Variants in SDK1 observed in about 807,000 individuals in gnomAD.
SDK1 encodes the protein protein sidekick-1.
A neutral mutation model predicts 245.5 loss-of-function variants in SDK1; 157 were observed. The observed-to-expected ratio is 0.64, with a 90% CI of 0.56 to 0.73. SDK1 has a LOEUF of 0.73. Ranked by LOEUF, SDK1 falls within the 30% of genes least tolerant of loss-of-function variation. The pLI is 0.00. For missense variants in SDK1, 3,583 were observed against 3,002.3 expected (o/e 1.19, Z -4.52); for synonymous variants, 1,647 against 1,278.5 (o/e 1.29, Z -6.15).
chr7:3,378,443 G>C (rs991315824), intron 1 of SDK1, among the ~76,000 whole-genome samples: 9 of 152,138 alleles, frequency 5.9e-5, no homozygotes, highest in African/African-American at 1.9e-4. Context: ...GTTTCTTCGA[G>C]CATATTCACT....
chr7:4,219,842 T>C (rs1010501680), intron 38 of SDK1, among the ~76,000 whole-genome samples: 4 of 130,788 alleles, frequency 3.1e-5, no homozygotes, highest in African/African-American at 1.1e-4. Flanking sequence ...TCCTCCTTCA[T>C]ATCATTCCTG....
intron 4 of SDK1, among the ~76,000 whole-genome samples, chr7:3,731,821 C>G (rs762642784): frequency 1.6e-4 from 24 of 152,272 alleles, no homozygotes; most frequent in Non-Finnish European, 2.5e-4. Context: ...GAGACAGAGT[C>G]TTGCTCTGTC....
intron 4 of SDK1, among the ~76,000 whole-genome samples, chr7:3,752,383 G>T (rs1283536823): frequency 1.3e-5 from 2 of 152,102 alleles, no homozygotes; most frequent in East Asian, 3.9e-4. Flanking sequence ...TATTCTGCAA[G>T]TGAGCTTAAT....
intron 1 of SDK1, among the ~76,000 whole-genome samples, chr7:3,508,425 T>G (rs1183018228): frequency 6.6e-6 from 1 of 151,616 alleles, no homozygotes; most frequent in African/African-American, 2.4e-5. Context: ...CCTCCTCGGT[T>G]CAAACAATTC....
At chr7:3,938,659 A>AAAAAAAAAAAAAAAAAAAAAAAAAG (rs1554284813) in intron 5 of SDK1, among the ~76,000 whole-genome samples, 61 of 151,048 alleles carry the variant, frequency 4.0e-4, no homozygotes, top group African/African-American at 1.5e-3. Context: ...AAAAAAAAAA[A>AAAAAAAAAAAAAAAAAAAAAAAAAG]AGAGATCCTC....
Position 3,529,967 on chromosome 7 carries a change from C to A in SDK1, c.299-89113C>A, listed in dbSNP as rs565591031. Among the ~76,000 whole-genome samples, 5 of 152,198 alleles carry A rather than the reference C, an allele frequency of 3.3e-5. No individual in the cohort carries two copies. In the South Asian group the frequency reaches 1.0e-3, roughly 32 times the overall value. ...AGAGAGGGACAGGCCTGAACTCTTA[C>A]TATTATGTGATAAGTACCTTTGTGG... On this transcript the variant is annotated intron_variant, in intron 1 of 44. Transcript: ENST00000404826.
At chr7:3,409,502 T>G (rs187026610) in intron 1 of SDK1, among the ~76,000 whole-genome samples, 44 of 152,296 alleles carry the variant, frequency 2.9e-4, no homozygotes, top group South Asian at 2.1e-4. Context: ...TCATCAAATT[T>G]TATACAAATT....
intron 4 of SDK1, among the ~76,000 whole-genome samples, chr7:3,794,240 A>C (rs1005229605): frequency 2.6e-5 from 4 of 152,182 alleles, no homozygotes; most frequent in Non-Finnish European, 4.4e-5. Context: ...GCATGGCCGA[A>C]TGTCCCTTCC....
At chr7:3,424,312 T>C (rs746611406) in intron 1 of SDK1, among the ~76,000 whole-genome samples, 2 of 152,216 alleles carry the variant, frequency 1.3e-5, no homozygotes, top group African/African-American at 4.8e-5. Flanking sequence ...AATAGCTTGA[T>C]GTAGATATTT....
At chr7:3,971,660 C>A in intron 12 of SDK1, 92 bp downstream of exon 12, 1 of 944,110 alleles carries the variant, frequency 1.1e-6, no homozygotes, top group Non-Finnish European at 1.7e-6. Flanking sequence ...ATTGGGGGAA[C>A]TTTTGATTTC....
chr7:3,523,323 A>C (rs547877977), intron 1 of SDK1, among the ~76,000 whole-genome samples: 1 of 152,156 alleles, frequency 6.6e-6, no homozygotes, highest in Admixed American at 6.5e-5. Context: ...CATCCTAGAG[A>C]TACAGTCTGT....
chr7:3,547,802 C>G (rs184104092), intron 1 of SDK1, among the ~76,000 whole-genome samples: 1 of 152,198 alleles, frequency 6.6e-6, no homozygotes, highest in South Asian at 2.1e-4. Context: ...TCATTACACT[C>G]TTAACAGGCA....
intron 4 of SDK1, among the ~76,000 whole-genome samples, chr7:3,817,405 G>T (rs1285471419): frequency 6.6e-6 from 1 of 152,206 alleles, no homozygotes; most frequent in Non-Finnish European, 1.5e-5. Context: ...CAGGGAGTGG[G>T]ATTTCCAATA....
chr7:4,135,291 A>C (rs774500931), intron 28 of SDK1, among the ~76,000 whole-genome samples: 5 of 152,176 alleles, frequency 3.3e-5, no homozygotes, highest in African/African-American at 4.8e-5. Context: ...CAAGACCCCT[A>C]CACCCTTGCC....
At chr7:4,200,407 AC>A (rs1342262294) in intron 35 of SDK1, among the ~76,000 whole-genome samples, 2 of 152,242 alleles carry the variant, frequency 1.3e-5, no homozygotes, top group Non-Finnish European at 2.9e-5. Context: ...GCAACCTAAA[AC>A]AACACACATC....
In SDK1 at chr7:4,267,818, C is replaced by T. The variant is rs905036298; in HGVS notation, c.*2434C>T. ...GTACGGAGCGGCCTGTCCGAGGCTACGCCGGCCTCCTGGCTGCTGCTGGAC... is the reference window on the plus strand; with the variant it reads ...GTACGGAGCGGCCTGTCCGAGGCTATGCCGGCCTCCTGGCTGCTGCTGGAC... On this transcript the variant is annotated 3_prime_UTR_variant, in exon 45 of 45. Transcript: ENST00000404826. The T allele has an allele frequency of 1.2e-5, 12 of 985,494 alleles. No individual in the cohort carries two copies. The highest frequency in any genetic ancestry group is 4.7e-5 in the South Asian group (1 of 21,296). 61.0% of individuals were successfully genotyped at this position (985,494 alleles called of 1,614,324 possible). A position where few individuals can be genotyped will look rare whatever the true frequency, so the allele number is the denominator to read the frequency against.
At chr7:3,350,547 G>A (rs966679831) in intron 1 of SDK1, among the ~76,000 whole-genome samples, 6 of 152,098 alleles carry the variant, frequency 3.9e-5, no homozygotes, top group Non-Finnish European at 8.8e-5. Flanking sequence ...ATGTCATTTT[G>A]CTTTTTATAA....
intron 20 of SDK1, among the ~76,000 whole-genome samples, chr7:4,072,143 A>T (rs937920851): frequency 2.0e-5 from 3 of 152,218 alleles, no homozygotes; most frequent in Admixed American, 2.0e-4. Flanking sequence ...AAATACCTGT[A>T]GTTAAAAGCA....
At chr7:4,106,449 A>G (rs887653943) in intron 22 of SDK1, among the ~76,000 whole-genome samples, 8 of 151,622 alleles carry the variant, frequency 5.3e-5, no homozygotes, top group African/African-American at 1.7e-4. Flanking sequence ...GTCTACAGGC[A>G]CCCACCACCA....
Sources: gnomAD v4.1 joint callset for allele counts (sites outside exome capture counted in the v4.1 genomes callset) on GRCh38, gnomAD v4.1.1 for gene constraint, MANE v1.5 for transcripts, NCBI Gene and HGNC (gene_info 2026-07-23, HGNC 2026-07-21) for gene names.